The following DOCK3 variants were observed in gnomAD, a reference collection of about 807,000 sequenced individuals.
DOCK3 encodes the protein dedicator of cytokinesis 3.
A neutral mutation model predicts 265.6 loss-of-function variants in DOCK3; 60 were observed. That is an observed-to-expected ratio of 0.23 (90% CI 0.18 to 0.28). The LOEUF (loss-of-function observed/expected upper bound fraction) is 0.28, where lower values mean the gene tolerates loss of function less well. DOCK3 is among the 10% of genes least tolerant of loss of function. DOCK3 has a pLI of 1.00. For missense variants in DOCK3, 1,981 were observed against 2,594.3 expected (o/e 0.76, Z 5.14); for synonymous variants, 881 against 938.0 (o/e 0.94, Z 1.11).
At chr3:51,108,769 C>T (rs1468692196) in intron 9 of DOCK3, among the ~76,000 whole-genome samples, 1 of 151,922 alleles carries the variant, frequency 6.6e-6, no homozygotes, top group East Asian at 1.9e-4. Context: ...TTCACACCAA[C>T]AAAGATCAAA....
chr3:51,009,554 T>G (rs1241643541), intron 5 of DOCK3, among the ~76,000 whole-genome samples: 1 of 152,154 alleles, frequency 6.6e-6, no homozygotes, highest in Non-Finnish European at 1.5e-5. Flanking sequence ...TTTGTTGATC[T>G]TTTCAAAAAA....
chr3:51,128,529 T>C (rs1576174460), intron 9 of DOCK3, among the ~76,000 whole-genome samples: 1 of 152,194 alleles, frequency 6.6e-6, no homozygotes, highest in South Asian at 2.1e-4. Context: ...CAGAATACCA[T>C]GACGGTGGAT....
At chr3:51,230,487 T>C (rs144256369) in intron 19 of DOCK3, among the ~76,000 whole-genome samples, 5 of 152,242 alleles carry the variant, frequency 3.3e-5, no homozygotes, top group South Asian at 4.1e-4. Flanking sequence ...ATGGTGTACA[T>C]GTACCACATT....
chr3:50,797,702 G>T (rs536472574), intron 2 of DOCK3, among the ~76,000 whole-genome samples: 1 of 152,256 alleles, frequency 6.6e-6, no homozygotes, highest in East Asian at 1.9e-4. Flanking sequence ...TTGTCTTTTT[G>T]ATGATAGCCA....
At chr3:50,906,111 G>A (rs188823390) in intron 4 of DOCK3, among the ~76,000 whole-genome samples, 1 of 152,184 alleles carries the variant, frequency 6.6e-6, no homozygotes, top group African/African-American at 2.4e-5. Flanking sequence ...CAGAGATAAA[G>A]CCCACTTGAT....
chr3:50,884,121 G>A (rs2048206327), intron 3 of DOCK3, among the ~76,000 whole-genome samples: 2 of 149,086 alleles, frequency 1.3e-5, no homozygotes, highest in Non-Finnish European at 3.0e-5. Flanking sequence ...TTGATATGGA[G>A]TCTCGCTCTT....
In DOCK3 at chr3:50,805,408, C is replaced by T. The variant is rs185105776; in HGVS notation, c.121+26650C>T. ...TAGATCAGCCAACTTGGGGTATGGT[C>T]AGCTGGGGTTGGGGCCATGAGCCAT... On this transcript the variant is annotated intron_variant, in intron 2 of 52. Coordinates refer to ENST00000266037, the MANE Select transcript of DOCK3 (RefSeq NM_004947.5). 2.9e-4 allele frequency among the ~76,000 whole-genome samples: 44 copies of T among 152,240 alleles called. No individual in the cohort carries two copies. In the East Asian group the frequency reaches 7.7e-3, roughly 27 times the overall value.
At chr3:50,693,530 C>CTTTTTTT (rs35261130) in intron 1 of DOCK3, among the ~76,000 whole-genome samples, 2 of 64,276 alleles carry the variant, frequency 3.1e-5, no homozygotes, top group Non-Finnish European at 2.8e-5. Context: ...ATTTCCTTTC[C>CTTTTTTT]TTTTTTTTTT....
chr3:51,381,271 C>T lies in DOCK3; in HGVS notation c.5805C>T (p.Val1935=). 1 of 1,613,856 alleles carries T rather than the reference C, an allele frequency of 6.2e-7. No individual in the cohort carries two copies. ...ATCTTGAGCCACCCTACCTCCCTGT[C>T]CACTACAGCCTCTCTGAGTCTGCCG... The part of the protein sequence containing the change: ...DEDLEPPYLP[V]HYSLSESAVL... The change falls in exon 53 of 53, where the codon GTC becomes GTT. Residue 1935 remains valine (V), a synonymous_variant. Transcript: ENST00000266037. The surrounding 1 kb of genome is among the most constrained non-coding windows in gnomAD (Gnocchi z 5.6).
At chr3:50,779,387 A>ATTTTTTTTTTT (rs199865725) in intron 2 of DOCK3, among the ~76,000 whole-genome samples, 1 of 151,394 alleles carries the variant, frequency 6.6e-6, no homozygotes, top group Non-Finnish European at 1.5e-5. Flanking sequence ...ATTTTTGTTT[A>ATTTTTTTTTTT]TTTATTTTTT....
At chr3:50,965,346 C>G (rs2076997868) in intron 5 of DOCK3, among the ~76,000 whole-genome samples, 1 of 151,996 alleles carries the variant, frequency 6.6e-6, no homozygotes, top group Admixed American at 6.6e-5. Context: ...AAAGAATGAT[C>G]TCAGTGACCT....
intron 6 of DOCK3, among the ~76,000 whole-genome samples, chr3:51,072,619 G>A: frequency 6.6e-6 from 1 of 151,944 alleles, no homozygotes; most frequent in Non-Finnish European, 1.5e-5. Context: ...ATGATGACCA[G>A]GTCAGTCTTG....
intron 1 of DOCK3, among the ~76,000 whole-genome samples, chr3:50,766,316 C>T (rs1206428567): frequency 7.5e-6 from 1 of 133,430 alleles, no homozygotes; most frequent in Non-Finnish European, 1.5e-5. Flanking sequence ...TGTTCCCCTT[C>T]CTATGTCCAA....
chr3:50,735,574 G>A (rs1379803428), intron 1 of DOCK3, among the ~76,000 whole-genome samples: 1 of 152,124 alleles, frequency 6.6e-6, no homozygotes, highest in Non-Finnish European at 1.5e-5. Context: ...CTGACCTCAA[G>A]TGATCTGCCT....
intron 5 of DOCK3, among the ~76,000 whole-genome samples, chr3:50,980,073 G>A (rs573645421): frequency 6.6e-6 from 1 of 152,244 alleles, no homozygotes; most frequent in South Asian, 2.1e-4. Context: ...CCCCATTCCA[G>A]TATGATGTTA....
chr3:50,931,815 C>T (rs1017886750), intron 4 of DOCK3, among the ~76,000 whole-genome samples: 5 of 152,286 alleles, frequency 3.3e-5, no homozygotes, highest in African/African-American at 7.2e-5. Flanking sequence ...TTCTGCTTTC[C>T]GCTGTGAGAG....
chr3:51,165,744 G>A (rs2086369419), intron 12 of DOCK3, among the ~76,000 whole-genome samples: 1 of 152,010 alleles, frequency 6.6e-6, no homozygotes, highest in African/African-American at 2.4e-5. Flanking sequence ...TGCCCCCTAG[G>A]CTTGTCCATG....
chr3:51,099,991 A>G (rs1439869527), intron 9 of DOCK3, among the ~76,000 whole-genome samples: 1 of 152,188 alleles, frequency 6.6e-6, no homozygotes, highest in African/African-American at 2.4e-5. Context: ...CCAAGGGATC[A>G]AATTACTGGC....
chr3:51,040,755 T>A (rs1470922345), intron 5 of DOCK3, among the ~76,000 whole-genome samples: 3 of 152,182 alleles, frequency 2.0e-5, no homozygotes, highest in African/African-American at 7.2e-5. Context: ...TTTGTTATAA[T>A]TTCAATAATG....
Sources: gnomAD v4.1 joint callset for allele counts (sites outside exome capture counted in the v4.1 genomes callset) on GRCh38, gnomAD v4.1.1 for gene constraint, Gnocchi (gnomAD v3.1) non-coding constraint, MANE v1.5 for transcripts, NCBI Gene and HGNC (gene_info 2026-07-23, HGNC 2026-07-21) for gene names.